Variants in CROCC2 observed in about 807,000 individuals in gnomAD.
The protein encoded by CROCC2 is ciliary rootlet coiled-coil protein 2.
A neutral mutation model predicts 177.6 loss-of-function variants in CROCC2; 163 were observed. The ratio of observed to expected loss-of-function variants is 0.92; its 90% CI spans 0.81 to 1.05. The LOEUF (loss-of-function observed/expected upper bound fraction) is 1.05, where lower values mean the gene tolerates loss of function less well. Among genes scored for constraint, CROCC2 ranks in the 50% least tolerant of loss-of-function variants. The pLI is 0.00. For missense variants in CROCC2, 1,929 were observed against 1,797.8 expected, an observed-to-expected ratio of 1.07 and a Z score of -1.32; for synonymous variants, 904 against 787.3, an observed-to-expected ratio of 1.15 and a Z score of -2.48.
intron 28 of CROCC2, among the ~76,000 whole-genome samples, chr2:240,986,398 C>T (rs1198322491): frequency 6.6e-6 from 1 of 152,214 alleles, no homozygotes; most frequent in Non-Finnish European, 1.5e-5. Flanking sequence ...ACACCCACCC[C>T]CTCCCAGCTA....
intron 20 of CROCC2, chr2:240,963,264 C>T (rs1482098210): frequency 8.7e-6 from 4 of 459,490 alleles, no homozygotes; most frequent in Non-Finnish European, 1.6e-5. Flanking sequence ...CCTTGCTTAC[C>T]AGTGGTCAGC....
Position 240,932,816 on chromosome 2 carries a change from G to T in CROCC2, c.1159G>T (p.Ala387Ser). ...PQRATSPHQG[A>S]SPPHICSPAT... is the part of the protein sequence containing the mutation. ...ACGTGCCACATCCCCCCATCAAGGG[G>T]CGTCCCCACCACACATCTGCTCCCC... Residue 387 changes from alanine (A) to serine (S), a missense_variant, in exon 9 of 32, where the codon GCG (alanine) becomes TCG (serine). Physicochemically the swap from Ala to Ser is moderately conservative, Grantham distance 99 (BLOSUM62 1). Around this residue, in one of 3 missense-constraint regions of CROCC2, gnomAD observed 1,397 missense variants for 1,239.9 expected, o/e 1.13. Transcript: ENST00000690015. The T allele has an allele frequency of 6.5e-7, 1 of 1,536,974 alleles. No homozygotes were observed. The highest frequency in any genetic ancestry group is 8.8e-7 in the Non-Finnish European group (1 of 1,137,264).
At chr2:240,986,160 G>A in intron 28 of CROCC2, 1 of 346,470 alleles carries the variant, frequency 2.9e-6, no homozygotes. Context: ...GGGCTGAGTG[G>A]AGAGGGTGGT....
At chr2:240,987,740 A>C (rs1447563268) in intron 28 of CROCC2, among the ~76,000 whole-genome samples, 2 of 152,146 alleles carry the variant, frequency 1.3e-5, no homozygotes, top group Non-Finnish European at 2.9e-5. Context: ...CTGACCTGGC[A>C]CTCCAGCCCA....
chr2:240,948,201 G>A (rs577663955), intron 15 of CROCC2, among the ~76,000 whole-genome samples: 11 of 152,168 alleles, frequency 7.2e-5, no homozygotes, highest in Non-Finnish European at 1.5e-4. Context: ...AGAGTAGCAT[G>A]CAGCAGAGTG....
chr2:240,987,348 G>T (rs2059847421), intron 28 of CROCC2, among the ~76,000 whole-genome samples: 1 of 152,228 alleles, frequency 6.6e-6, no homozygotes, highest in Non-Finnish European at 1.5e-5. Context: ...GGTGTCTCAG[G>T]AGGGGAAACC....
At chr2:240,910,634 G>A (rs957286533) in intron 1 of CROCC2, among the ~76,000 whole-genome samples, 1 of 152,208 alleles carries the variant, frequency 6.6e-6, no homozygotes, top group Non-Finnish European at 1.5e-5. Context: ...TTGCCCCGAA[G>A]TGGCATCCCC....
intron 21 of CROCC2, 38 bp downstream of exon 21, chr2:240,963,811 C>A (rs2059658961): frequency 1.3e-6 from 2 of 1,536,602 alleles, no homozygotes; most frequent in Non-Finnish European, 1.8e-6. Flanking sequence ...GGGTGCCCTG[C>A]AGCCTGCTGC....
chr2:240,971,882 A>C (rs1319704550), intron 27 of CROCC2, among the ~76,000 whole-genome samples: 1 of 151,706 alleles, frequency 6.6e-6, no homozygotes, highest in East Asian at 1.9e-4. Flanking sequence ...CTACTCAGCT[A>C]ATCTCAGGAT....
intron 1 of CROCC2, among the ~76,000 whole-genome samples, chr2:240,913,867 G>A (rs539829186): frequency 2.2e-4 from 34 of 152,392 alleles, no homozygotes; most frequent in African/African-American, 6.7e-4. Context: ...GCGGCGGGCC[G>A]GGCTGCGGAA....
intron 5 of CROCC2, among the ~76,000 whole-genome samples, chr2:240,928,656 C>T (rs768650627): frequency 1.3e-5 from 2 of 152,200 alleles, no homozygotes; most frequent in Non-Finnish European, 1.5e-5. Context: ...GTGATGAACA[C>T]GGAGTGCAGG....
intron 20 of CROCC2, among the ~76,000 whole-genome samples, chr2:240,961,628 C>T (rs2059635974): frequency 1.4e-5 from 2 of 145,324 alleles, no homozygotes; most frequent in South Asian, 2.3e-4. Context: ...ATGACACATG[C>T]ACACGCTCAT....
In CROCC2 at chr2:240,966,309, C is replaced by T. The variant is rs1190641044; in HGVS notation, c.4046C>T (p.Pro1349Leu). ...RPHSPLRWPS[P>L]TPGGRSSELM... ...CACTCGCCCCTCCGATGGCCCTCGC[C>T]CACACCCGGAGGCCGCAGCTCAGAG... The change falls in exon 25 of 32, where the codon CCC becomes CTC. Residue 1349 changes from proline to leucine, a missense_variant. By Grantham distance (98) the Pro-to-Leu change is moderately conservative. Coordinates refer to ENST00000690015, the MANE Select transcript of CROCC2 (RefSeq NM_001351305.2). The T allele has an allele frequency of 2.3e-6, 1 of 426,418 alleles. No homozygotes were observed. Among genetic ancestry groups the T allele is most frequent in the Non-Finnish European group, 4.0e-6 (1 of 249,088 alleles). 26.4% of individuals were successfully genotyped at this position (426,418 alleles called of 1,614,324 possible). A position where few individuals can be genotyped will look rare whatever the true frequency, so the allele number is the denominator to read the frequency against.
At chr2:240,925,019 C>T (rs1355901298) in intron 4 of CROCC2, among the ~76,000 whole-genome samples, 3 of 135,988 alleles carry the variant, frequency 2.2e-5, no homozygotes, top group African/African-American at 8.4e-5. Flanking sequence ...CTGACCCAGC[C>T]CCCACATTAA....
At position 240,953,116 on chromosome 2, in the gene CROCC2, G is replaced by A. The variant is rs575814058; in HGVS notation, c.2829+2606G>A. Reference sequence around the variant, plus strand: ...CACAGCCCCCAAGAGAGGGGACCTCGGTCAAACAGGAGTGCAGGCTTGGTG... The same window carrying A: ...CACAGCCCCCAAGAGAGGGGACCTCAGTCAAACAGGAGTGCAGGCTTGGTG... On this transcript the variant is annotated intron_variant, in intron 18 of 31. Coordinates refer to ENST00000690015, the MANE Select transcript of CROCC2 (RefSeq NM_001351305.2). This position sits in a 1 kb window ranked among gnomAD's most constrained non-coding sequence, Gnocchi z 4.0. Among the ~76,000 whole-genome samples the A allele has an allele frequency of 2.6e-5, 4 of 152,164 alleles. No individual in the cohort carries two copies. The highest frequency in any genetic ancestry group is 6.5e-5 in the Admixed American group (1 of 15,292).
At position 240,935,676 on chromosome 2, in the gene CROCC2, G is replaced by T. The variant is rs993348644; in HGVS notation, c.2169+88G>T. The T allele has an allele frequency of 1.6e-5, 16 of 992,662 alleles. No individual in the cohort carries two copies. In the African/African-American group the frequency reaches 2.4e-4, roughly 15 times the overall value. 61.5% of individuals were successfully genotyped at this position (992,662 alleles called of 1,614,324 possible). Reference sequence around the variant, plus strand: ...TAAGGTACTTCTGGGAGTCAGGCAGGCTCAGGATGCCCACATCAGCTCTTT... The same window carrying T: ...TAAGGTACTTCTGGGAGTCAGGCAGTCTCAGGATGCCCACATCAGCTCTTT... On this transcript the variant is annotated intron_variant, in intron 14 of 31. Transcript: ENST00000690015.
At chr2:240,930,367 C>T (rs184703632) in intron 6 of CROCC2, 98 bp downstream of exon 6, 8 of 446,104 alleles carry the variant, frequency 1.8e-5, no homozygotes, top group African/African-American at 6.1e-5. Context: ...CGGGCTCTCC[C>T]GTGGGTGCAG....
rs191387553 is a variant in CROCC2 at position 240,918,908 on chromosome 2, G to T, written c.229+32G>T. ...GTGTGGGGGACAGTCCTGGGCCCGG[G>T]GCTGGCCAAGGTGACGGCGTGGGGG... On this transcript the variant is annotated intron_variant, in intron 2 of 31. Transcript: ENST00000690015. The surrounding 1 kb of genome is among the most constrained non-coding windows in gnomAD (Gnocchi z 6.3). 127 of 667,706 alleles carry T rather than the reference G, an allele frequency of 1.9e-4. 1 individual carries two copies. Among genetic ancestry groups the T allele is most frequent in the African/African-American group, 1.7e-3 (87 of 51,316 alleles). The allele number at this position is 667,706 out of a possible 1,614,324, so 41.4% of individuals were successfully genotyped here.
chr2:240,929,054 G>A (rs904021753), intron 5 of CROCC2, among the ~76,000 whole-genome samples: 32 of 152,054 alleles, frequency 2.1e-4, no homozygotes, highest in African/African-American at 5.8e-4. Context: ...TCTGGAGGGT[G>A]TACAGCCAGG....
Sources: allele counts gnomAD v4.1 joint callset (sites outside exome capture counted in the v4.1 genomes callset), GRCh38; gene constraint gnomAD v4.1.1; regional missense constraint gnomAD v4.1.1; non-coding constraint Gnocchi (gnomAD v3.1); transcripts MANE v1.5; gene names NCBI Gene and HGNC (gene_info 2026-07-23, HGNC 2026-07-21).